ITFG1: variants seen among roughly 807,000 people sequenced by gnomAD.
The protein encoded by ITFG1 is T-cell immunomodulatory protein.
In ITFG1, 34 loss-of-function variants were observed where a neutral mutation model predicts 81.8. That is an observed-to-expected ratio of 0.42 (90% confidence interval 0.32 to 0.55). ITFG1 has a LOEUF of 0.55. Among genes scored for constraint, ITFG1 ranks in the 20% least tolerant of loss-of-function variants. The pLI is 0.17. For missense variants in ITFG1, 672 were observed against 755.4 expected, an observed-to-expected ratio of 0.89 and a Z score of 1.29; for synonymous variants, 285 against 270.6, an observed-to-expected ratio of 1.05 and a Z score of -0.52.
intron 8 of ITFG1, among the ~76,000 whole-genome samples, chr16:47,318,957 G>A (rs1420026610): frequency 1.3e-5 from 2 of 152,074 alleles, no homozygotes; most frequent in African/African-American, 2.4e-5. Flanking sequence ...AACTCAACAA[G>A]TAATTTTTTT....
At chr16:47,456,635 T>G (rs555854026) in intron 2 of ITFG1, among the ~76,000 whole-genome samples, 5 of 148,212 alleles carry the variant, frequency 3.4e-5, no homozygotes, top group Non-Finnish European at 7.4e-5. Flanking sequence ...GAGGTTCCAG[T>G]GAGCTGAGCT....
At chr16:47,288,617 CT>C (rs569048660) in intron 10 of ITFG1, among the ~76,000 whole-genome samples, 6 of 149,202 alleles carry the variant, frequency 4.0e-5, no homozygotes, top group Non-Finnish European at 7.5e-5. Flanking sequence ...TTTTGGTTTT[CT>C]TTTTTTTTTG....
chr16:47,225,025 A>G, intron 13 of ITFG1, among the ~76,000 whole-genome samples: 1 of 152,164 alleles, frequency 6.6e-6, no homozygotes, highest in East Asian at 1.9e-4. Context: ...CAAAGAATTA[A>G]AGGAAAGGAA....
At chr16:47,375,174 C>G (rs553460996) in intron 7 of ITFG1, among the ~76,000 whole-genome samples, 1 of 152,150 alleles carries the variant, frequency 6.6e-6, no homozygotes, top group African/African-American at 2.4e-5. Context: ...GAGGCTCTTA[C>G]GCCCATTTTC....
In ITFG1 at chr16:47,252,636, G is replaced by A. The variant is rs1183881519; in HGVS notation, c.1330+5996C>T. 2.0e-5 allele frequency among the ~76,000 whole-genome samples: 3 copies of A among 152,326 alleles called. No individual in the cohort carries two copies. In the East Asian group the frequency reaches 5.8e-4, roughly 29 times the overall value. On this transcript the variant is annotated intron_variant, in intron 12 of 17. Coordinates refer to ENST00000320640, the MANE Select transcript of ITFG1 (RefSeq NM_030790.5). ...ACGCAAGGTCCCCGTCTTCATGTAA[G>A]TGCTGTGGATCTGCTGTGCTGTGCG...
At chr16:47,427,081 C>G (rs1310640628) in intron 6 of ITFG1, among the ~76,000 whole-genome samples, 1 of 152,102 alleles carries the variant, frequency 6.6e-6, no homozygotes, top group African/African-American at 2.4e-5. Flanking sequence ...TTCTTTTTAA[C>G]AGAAAATTTA....
chr16:47,200,241 T>TA (rs1367100580), intron 14 of ITFG1, among the ~76,000 whole-genome samples: 1 of 152,216 alleles, frequency 6.6e-6, no homozygotes, highest in Admixed American at 6.5e-5. Flanking sequence ...TTGCAAAACT[T>TA]ACTCTCCCTA....
chr16:47,175,327 AAATT>A (rs1347299464), intron 14 of ITFG1, among the ~76,000 whole-genome samples: 1 of 150,912 alleles, frequency 6.6e-6, no homozygotes, highest in African/African-American at 2.4e-5. Context: ...AATTTTAATT[AAATT>A]AATTATATTA....
chr16:47,311,217 C>A, intron 10 of ITFG1, 23 bp downstream of exon 10: 1 of 1,560,250 alleles, frequency 6.4e-7, no homozygotes, highest in Non-Finnish European at 8.7e-7. Flanking sequence ...ACAAATATTT[C>A]TCACTTGATT....
At chr16:47,211,983 A>G (rs1965568315) in intron 14 of ITFG1, among the ~76,000 whole-genome samples, 1 of 151,824 alleles carries the variant, frequency 6.6e-6, no homozygotes, top group Middle Eastern at 3.4e-3. Flanking sequence ...CTGGTCTCAA[A>G]TTCCTAGGCT....
chr16:47,191,064 A>G lies in ITFG1; in HGVS notation c.1453+27804T>C, dbSNP rs1379592710. On this transcript the variant is annotated intron_variant, in intron 14 of 17. Coordinates refer to ENST00000320640, the MANE Select transcript of ITFG1 (RefSeq NM_030790.5). ...CGCTGATGTCTCCTTGGCCAAAGTCAGTGTGGGTTGGGGCTAATAATGGTA... is the reference window on the plus strand; with the variant it reads ...CGCTGATGTCTCCTTGGCCAAAGTCGGTGTGGGTTGGGGCTAATAATGGTA... 3.3e-5 allele frequency among the ~76,000 whole-genome samples: 5 copies of G among 152,184 alleles called. No homozygotes were observed. In the East Asian group the frequency reaches 7.7e-4, roughly 23 times the overall value.
intron 12 of ITFG1, among the ~76,000 whole-genome samples, chr16:47,256,514 T>A (rs1030893057): frequency 2.0e-5 from 3 of 152,252 alleles, no homozygotes; most frequent in African/African-American, 7.2e-5. Context: ...AGATAAGGAA[T>A]GTACTTCAAC....
At chr16:47,307,093 CAAAAAAAAAAAAAAAAAA>C (rs371103697) in intron 10 of ITFG1, among the ~76,000 whole-genome samples, 11 of 16,476 alleles carry the variant, frequency 6.7e-4, no homozygotes, top group East Asian at 2.4e-3. Flanking sequence ...AACTCCGTCT[CAAAAAAAAAAAAAAAAAA>C]AAAAAAAAAA....
intron 12 of ITFG1, among the ~76,000 whole-genome samples, chr16:47,255,289 G>A (rs1966126681): frequency 6.6e-6 from 1 of 152,112 alleles, no homozygotes; most frequent in African/African-American, 2.4e-5. Flanking sequence ...ATAATGAGAG[G>A]AAAAACTCAC....
At chr16:47,164,193 T>C (rs1036711389) in intron 14 of ITFG1, among the ~76,000 whole-genome samples, 2 of 152,028 alleles carry the variant, frequency 1.3e-5, no homozygotes, top group Non-Finnish European at 2.9e-5. Context: ...TTTTTTTTTT[T>C]TCATGTAGTG....
intron 13 of ITFG1, among the ~76,000 whole-genome samples, chr16:47,232,281 T>A (rs1965823624): frequency 6.6e-6 from 1 of 152,240 alleles, no homozygotes. Context: ...ACATGGAGAA[T>A]GAGGCTTAAC....
chr16:47,365,202 A>C (rs1968160649), intron 8 of ITFG1, among the ~76,000 whole-genome samples: 1 of 152,196 alleles, frequency 6.6e-6, no homozygotes, highest in Admixed American at 6.5e-5. Flanking sequence ...CAAGCACTGA[A>C]CAGCTTTTAG....
intron 5 of ITFG1, among the ~76,000 whole-genome samples, chr16:47,447,656 G>T (rs755112138): frequency 8.6e-5 from 13 of 152,012 alleles, no homozygotes; most frequent in Non-Finnish European, 1.8e-4. Context: ...TAATTTAATT[G>T]ACCCCTCCAT....
rs774713671 is a variant in ITFG1 at position 47,313,722 on chromosome 16, G to GA, written c.897+6dup. 2 of 1,487,894 alleles carry GA rather than the reference G, an allele frequency of 1.3e-6. No individual in the cohort carries two copies. Among genetic ancestry groups the GA allele is most frequent in the South Asian group, 2.4e-5 (2 of 83,014 alleles). The allele number at this position is 1,487,894 out of a possible 1,614,324, so 92.2% of individuals were successfully genotyped here. A position where few individuals can be genotyped will look rare whatever the true frequency, so the allele number is the denominator to read the frequency against. On this transcript the variant is annotated splice_region_variant and intron_variant, in intron 9 of 17. Coordinates refer to ENST00000320640, the MANE Select transcript of ITFG1 (RefSeq NM_030790.5). Reference sequence around the variant, plus strand: ...AAAATGTTTACATTAAAAACAACTTGATATACCTGCTTCATCCCAGATCTC... The same window carrying GA: ...AAAATGTTTACATTAAAAACAACTTGAATATACCTGCTTCATCCCAGATCTC...
Sources: allele counts gnomAD v4.1 joint callset (sites outside exome capture counted in the v4.1 genomes callset), GRCh38; gene constraint gnomAD v4.1.1; transcripts MANE v1.5; gene names NCBI Gene and HGNC (gene_info 2026-07-23, HGNC 2026-07-21).